Variants in DGLUCY observed in about 807,000 individuals in gnomAD.
DGLUCY encodes the protein D-glutamate cyclase.
In DGLUCY, 58 loss-of-function variants were observed where a neutral mutation model predicts 58.5. That is an observed-to-expected ratio of 0.99 (90% CI 0.80 to 1.23). DGLUCY has a LOEUF of 1.23. Among genes scored for constraint, DGLUCY ranks in the 50% most tolerant of loss-of-function variants. DGLUCY has a pLI of 0.00. For missense variants in DGLUCY, 779 were observed against 784.7 expected (o/e 0.99, Z 0.09); for synonymous variants, 325 against 314.1 (o/e 1.03, Z -0.37).
rs778469823 is a variant in DGLUCY, at chr14:91,196,390, A to C, written c.1211A>C (p.Gln404Pro). The C allele has an allele frequency of 6.2e-7, 1 of 1,614,126 alleles. No individual in the cohort carries two copies. The highest frequency in any genetic ancestry group is 1.7e-5 in the Admixed American group (1 of 60,012). ...DAVEQGVLKT[Q>P]IPILTYQGGS... Reference sequence around the variant, plus strand: ...TATTTTCAAGGTGTTCTGAAGACGCAGATCCCGATATTAACTTACCAAGGT... The same window carrying C: ...TATTTTCAAGGTGTTCTGAAGACGCCGATCCCGATATTAACTTACCAAGGT... Residue 404 changes from glutamine (Q) to proline (P), a missense_variant, in exon 10 of 14, where the codon CAG becomes CCG. Gln to Pro is a moderately conservative substitution (Grantham distance 76). Coordinates refer to ENST00000256324, the MANE Select transcript of DGLUCY (RefSeq NM_001102368.3).
In DGLUCY at chr14:91,101,706, A is replaced by G. The variant is rs1566940586; in HGVS notation, c.-82+41002A>G. ...GGGGTAACTATACTAACATCAATCT[A>G]TTGTACATGTCTTTCTGGGGAGGAC... is the stretch of plus-strand genomic sequence containing the variant. On this transcript the variant is annotated intron_variant, in intron 1 of 4. Transcript: ENST00000521334. Among the ~76,000 whole-genome samples, 5 of 152,276 alleles carry G rather than the reference A, an allele frequency of 3.3e-5. No homozygotes were observed. In the South Asian group the frequency reaches 1.0e-3, roughly 32 times the overall value.
chr14:91,145,934 G>A (rs543580216), intron 1 of DGLUCY, among the ~76,000 whole-genome samples: 5 of 152,012 alleles, frequency 3.3e-5, no homozygotes, highest in East Asian at 1.9e-4. Context: ...GCTGGAGTGC[G>A]GTGACGTGAT....
At chr14:91,179,654 GAC>G (rs745762860) in intron 7 of DGLUCY, among the ~76,000 whole-genome samples, 2 of 150,538 alleles carry the variant, frequency 1.3e-5, no homozygotes, top group South Asian at 2.1e-4. Flanking sequence ...AGGAGGCTGA[GAC>G]AGGAGAATTT....
At chr14:91,062,546 TAAAA>T (rs745934410) in intron 1 of DGLUCY, among the ~76,000 whole-genome samples, 715 of 18,186 alleles carry the variant, frequency 0.039, 85 homozygotes, top group Admixed American at 0.13. Context: ...AGACTCTGTC[TAAAA>T]AAAAAAAAAT....
chr14:91,094,186 C>T (rs1198543428), intron 1 of DGLUCY, among the ~76,000 whole-genome samples: 1 of 152,152 alleles, frequency 6.6e-6, no homozygotes, highest in African/African-American at 2.4e-5. Context: ...CCTATAATCC[C>T]AGCACTTTGG....
chr14:91,155,533 T>C (rs2047567495), intron 1 of DGLUCY, among the ~76,000 whole-genome samples: 1 of 152,184 alleles, frequency 6.6e-6, no homozygotes, highest in African/African-American at 2.4e-5. Context: ...GCTTTGGCCT[T>C]GCACGGCGGC....
intron 1 of DGLUCY, among the ~76,000 whole-genome samples, chr14:91,120,225 T>G (rs935128909): frequency 5.3e-5 from 8 of 152,092 alleles, no homozygotes; most frequent in Non-Finnish European, 1.2e-4. Context: ...CAGGTGTCCT[T>G]CCTGACTTCT....
At chr14:91,134,379 A>T (rs1386175504) in intron 1 of DGLUCY, among the ~76,000 whole-genome samples, 2 of 151,752 alleles carry the variant, frequency 1.3e-5, no homozygotes, top group Admixed American at 6.6e-5. Context: ...TGTTAGATTT[A>T]TTCCTGGGTA....
intron 1 of DGLUCY, among the ~76,000 whole-genome samples, chr14:91,127,053 CTTTTTTTTTT>C (rs11407228): frequency 3.1e-5 from 3 of 98,346 alleles, no homozygotes; most frequent in African/African-American, 7.9e-5. Flanking sequence ...TGATGATACT[CTTTTTTTTTT>C]TTTTTTTTTT....
intron 11 of DGLUCY, among the ~76,000 whole-genome samples, chr14:91,200,373 A>T (rs1435716061): frequency 6.6e-6 from 1 of 152,186 alleles, no homozygotes; most frequent in Non-Finnish European, 1.5e-5. Flanking sequence ...TAATGACACC[A>T]CCATTTAGAA....
chr14:91,072,662 AAAC>A lies in DGLUCY; in HGVS notation c.-82+11961_-82+11963del, dbSNP rs1266725371. ...GTGAGATTTGAGACACCAAAAAAAA[AAAC>A]AAAAAACAAAACTTCCTCATGGTGC... On this transcript the variant is annotated intron_variant, in intron 1 of 4. Transcript: ENST00000521334. 9.0e-5 allele frequency among the ~76,000 whole-genome samples: 13 copies of A among 144,004 alleles called. 1 individual carries two copies. The highest frequency in any genetic ancestry group is 9.2e-5 in the Non-Finnish European group (6 of 65,158). The allele number at this position is 144,004 out of a possible 152,430, so 94.5% of individuals were successfully genotyped here.
intron 9 of DGLUCY, among the ~76,000 whole-genome samples, chr14:91,190,773 G>A (rs979022618): frequency 6.6e-6 from 1 of 152,134 alleles, no homozygotes; most frequent in Non-Finnish European, 1.5e-5. Context: ...GGGCCTCGCA[G>A]GACCCTGTGG....
At chr14:91,065,346 A>G (rs975698740) in intron 1 of DGLUCY, among the ~76,000 whole-genome samples, 12 of 152,328 alleles carry the variant, frequency 7.9e-5, no homozygotes, top group Non-Finnish European at 1.2e-4. Context: ...CAACCTGGTT[A>G]AAGTGAATGA....
intron 13 of DGLUCY, 181 bp downstream of exon 13, chr14:91,215,737 C>T: frequency 6.7e-7 from 1 of 1,484,698 alleles, no homozygotes; most frequent in Non-Finnish European, 8.9e-7. Flanking sequence ...ACTCGCAGTT[C>T]TGAATCGTGT....
chr14:91,098,455 T>C lies in DGLUCY; in HGVS notation c.-82+37751T>C, dbSNP rs147077578. Among the ~76,000 whole-genome samples, 171 of 152,302 alleles carry C rather than the reference T, an allele frequency of 1.1e-3. No individual in the cohort carries two copies. The East Asian group carries it at 0.012, about 11-fold the overall frequency. ...CTGGGTGACAGAGTAAGACTCTGTC[T>C]CAAAAATAAAAAATAAAATAATTAG... On this transcript the variant is annotated intron_variant, in intron 1 of 4. Coordinates refer to the DGLUCY transcript ENST00000521334.
chr14:91,139,645 A>G (rs919914152), intron 1 of DGLUCY, among the ~76,000 whole-genome samples: 2 of 152,228 alleles, frequency 1.3e-5, no homozygotes, highest in Non-Finnish European at 2.9e-5. Flanking sequence ...AGATCGTGCC[A>G]CTGCACTCCA....
chr14:91,139,096 A>T (rs1157866244), intron 1 of DGLUCY, among the ~76,000 whole-genome samples: 1 of 152,214 alleles, frequency 6.6e-6, no homozygotes, highest in Non-Finnish European at 1.5e-5. Context: ...ATGGAGGCTG[A>T]AAAGTTCCAC....
At chr14:91,200,366 T>C (rs2050477850) in intron 11 of DGLUCY, among the ~76,000 whole-genome samples, 1 of 152,124 alleles carries the variant, frequency 6.6e-6, no homozygotes, top group African/African-American at 2.4e-5. Context: ...TAGACACTAA[T>C]GACACCACCA....
intron 1 of DGLUCY, among the ~76,000 whole-genome samples, chr14:91,077,156 G>A (rs1040488091): frequency 3.3e-5 from 5 of 151,948 alleles, no homozygotes; most frequent in Non-Finnish European, 7.4e-5. Context: ...TGAGGTGTGA[G>A]GATCACTTGA....
Sources: gnomAD v4.1 joint callset for allele counts (sites outside exome capture counted in the v4.1 genomes callset) on GRCh38, gnomAD v4.1.1 for gene constraint, MANE v1.5 for transcripts, NCBI Gene and HGNC (gene_info 2026-07-23, HGNC 2026-07-21) for gene names.